The following UMPS variants were observed in gnomAD, a reference collection of about 807,000 sequenced individuals.
UMPS encodes uridine 5'-monophosphate synthase.
UMPS carries 21 observed loss-of-function variants against 38.9 expected under a neutral mutation model. The observed-to-expected ratio is 0.54, with a 90% confidence interval of 0.38 to 0.78. The LOEUF (loss-of-function observed/expected upper bound fraction) is 0.78. Ranked by LOEUF, UMPS falls within the 30% of genes least tolerant of loss-of-function variation. The pLI is 0.00. For synonymous variants in UMPS, 208 were observed against 219.3 expected, an observed-to-expected ratio of 0.95 and a Z score of 0.45; for missense variants, 533 against 591.6, an observed-to-expected ratio of 0.90 and a Z score of 1.03.
chr3:124,730,454 A>C lies in UMPS; in HGVS notation c.-18A>C. On this transcript the variant is annotated 5_prime_UTR_variant, in exon 1 of 6. Transcript: ENST00000232607. ...CCGGGGCGCCTGGGAATTTGAAGCAAACAGGCAGCGCGCGACAATGGCGGT... is the reference window on the plus strand; with the variant it reads ...CCGGGGCGCCTGGGAATTTGAAGCACACAGGCAGCGCGCGACAATGGCGGT... 8.1e-6 allele frequency: 13 copies of C among 1,613,920 alleles called. No individual in the cohort carries two copies. The highest frequency in any genetic ancestry group is 1.1e-5 in the Non-Finnish European group (13 of 1,179,912).
chr3:124,737,303 C>A, intron 2 of UMPS: 2 of 362,982 alleles, frequency 5.5e-6, no homozygotes, highest in Non-Finnish European at 9.9e-6. Context: ...GATCATAAAA[C>A]ACATTAAGCA....
Position 124,749,098 on chromosome 3 carries a change from C to T in UMPS, c.*5014C>T, listed in dbSNP as rs569469184. 1.7e-3 allele frequency: 775 copies of T among 454,066 alleles called. 8 individuals carry two copies. Among genetic ancestry groups the T allele is most frequent in the South Asian group, 0.011 (725 of 64,468 alleles). 28.1% of individuals were successfully genotyped at this position (454,066 alleles called of 1,614,324 possible). A position where few individuals can be genotyped will look rare whatever the true frequency, so the allele number is the denominator to read the frequency against. ...TGCAGGGTGAGACTTGGGGAGGATC[C>T]TGAAATGATTGTATTTAACAAGACA... On this transcript the variant is annotated 3_prime_UTR_variant, in exon 6 of 6. Transcript: ENST00000232607.
At chr3:124,731,480 T>C (rs1229866988) in intron 1 of UMPS, 2 of 440,114 alleles carry the variant, frequency 4.5e-6, no homozygotes, top group Non-Finnish European at 9.1e-6. Flanking sequence ...TCGCTTGTGT[T>C]ATTATTTTAT....
At chr3:124,742,125 T>C in intron 4 of UMPS, 27 bp from the exon 5 acceptor site, 1 of 1,503,024 alleles carries the variant, frequency 6.7e-7, no homozygotes, top group Non-Finnish European at 9.3e-7. Flanking sequence ...TGTTTTCTTA[T>C]AATATGTCCT....
At chr3:124,737,370 C>T in intron 2 of UMPS, 198 bp from the exon 3 acceptor site, 1 of 582,034 alleles carries the variant, frequency 1.7e-6, no homozygotes, top group Non-Finnish European at 3.0e-6. Context: ...GTATGTGTAA[C>T]TGGCAAGTTT....
intron 1 of UMPS, among the ~76,000 whole-genome samples, chr3:124,733,106 A>C (rs2063492425): frequency 6.6e-6 from 1 of 152,220 alleles, no homozygotes; most frequent in Non-Finnish European, 1.5e-5. Flanking sequence ...TACACCCCAA[A>C]AAGCAATATA....
rs1220530209 is a variant in UMPS, at chr3:124,735,219, A to C, written c.283A>C (p.Ile95Leu). The change falls in exon 2 of 6, where the codon ATT (isoleucine) becomes CTT (leucine). Residue 95 changes from isoleucine (I) to leucine (L), a missense_variant. By Grantham distance (5) the Ile-to-Leu change is conservative. Transcript: ENST00000232607. ...TTCAACCAATCAAATTCCAATGCTT[A>C]TTAGAAGGAAAGAAACAAAGGATTA... ...ICSTNQIPML[I>L]RRKETKDYGT... The C allele has an allele frequency of 6.2e-7, 1 of 1,613,760 alleles. No individual in the cohort carries two copies. The highest frequency in any genetic ancestry group is 2.2e-5 in the East Asian group (1 of 44,864).
Position 124,745,879 on chromosome 3 carries a change from AC to A in UMPS, c.*1796del, listed in dbSNP as rs1559909140. 3 of 454,080 alleles carry A rather than the reference AC, an allele frequency of 6.6e-6. No homozygotes were observed. In the East Asian group the frequency reaches 2.1e-4, roughly 32 times the overall value. 28.1% of individuals were successfully genotyped at this position (454,080 alleles called of 1,614,324 possible). On this transcript the variant is annotated 3_prime_UTR_variant, in exon 6 of 6. Coordinates refer to ENST00000232607, the MANE Select transcript of UMPS (RefSeq NM_000373.4). ...ACTTCCATGTGTCAGTGGTTCTCCCACTTTAGCAGGTATCAGAGTCACCTGG... is the reference window on the plus strand; with the variant it reads ...ACTTCCATGTGTCAGTGGTTCTCCCATTTAGCAGGTATCAGAGTCACCTGG...
Position 124,747,662 on chromosome 3 carries a change from G to T in UMPS, c.*3578G>T. The T allele has an allele frequency of 2.2e-6, 1 of 453,124 alleles. No individual in the cohort carries two copies. The highest frequency in any genetic ancestry group is 1.6e-5 in the South Asian group (1 of 64,466). The allele number at this position is 453,124 out of a possible 1,614,324, so 28.1% of individuals were successfully genotyped here. A position where few individuals can be genotyped will look rare whatever the true frequency, so the allele number is the denominator to read the frequency against. ...AGTGCATGCCATGGAGTTCCAGGGTGGTTTATTACACGGCAATATCTAGCT... is the reference window on the plus strand; with the variant it reads ...AGTGCATGCCATGGAGTTCCAGGGTTGTTTATTACACGGCAATATCTAGCT... On this transcript the variant is annotated 3_prime_UTR_variant, in exon 6 of 6. Transcript: ENST00000232607.
rs1207087014 is a variant in UMPS, at chr3:124,731,079, G to C, written c.156+452G>C. ...ACCCCGTCTCTACAAAAAATTAGCT[G>C]GGTGTGGTGGCGCACGCCTGGGACG... On this transcript the variant is annotated intron_variant, in intron 1 of 5. Coordinates refer to ENST00000232607, the MANE Select transcript of UMPS (RefSeq NM_000373.4). Among the ~76,000 whole-genome samples the C allele has an allele frequency of 2.0e-5, 3 of 152,016 alleles. No homozygotes were observed. The East Asian group carries it at 5.8e-4, about 29-fold the overall frequency.
intron 5 of UMPS, chr3:124,742,540 G>A (rs1212649206): frequency 1.3e-5 from 6 of 465,394 alleles, no homozygotes; most frequent in Non-Finnish European, 2.3e-5. Flanking sequence ...TTAACACAAT[G>A]TCTTGGCACA....
At chr3:124,733,426 G>C (rs2063494694) in intron 1 of UMPS, 1 of 183,270 alleles carries the variant, frequency 5.5e-6, no homozygotes, top group Non-Finnish European at 1.2e-5. Context: ...CCTTACATGG[G>C]CTTTGGTGAG....
At chr3:124,732,784 T>C (rs2063489217) in intron 1 of UMPS, among the ~76,000 whole-genome samples, 1 of 152,204 alleles carries the variant, frequency 6.6e-6, no homozygotes, top group South Asian at 2.1e-4. Context: ...TAAAAAGTAT[T>C]GAAGATAGGT....
chr3:124,740,658 A>T (rs530314469), intron 4 of UMPS, among the ~76,000 whole-genome samples: 11 of 152,204 alleles, frequency 7.2e-5, no homozygotes, highest in African/African-American at 2.6e-4. Flanking sequence ...ATATTACTTT[A>T]AAAAAATTGC....
intron 1 of UMPS, chr3:124,731,511 A>T (rs1306343942): frequency 2.3e-6 from 1 of 436,546 alleles, no homozygotes; most frequent in African/African-American, 2.0e-5. Flanking sequence ...TTTAGATGGG[A>T]TCTCTCTTAC....
rs1174042175 is a variant in UMPS at position 124,748,228 on chromosome 3, C to T, written c.*4144C>T. 4.4e-6 allele frequency: 2 copies of T among 453,828 alleles called. No individual in the cohort carries two copies. The highest frequency in any genetic ancestry group is 3.1e-5 in the South Asian group (2 of 64,464). 28.1% of individuals were successfully genotyped at this position (453,828 alleles called of 1,614,324 possible). On this transcript the variant is annotated 3_prime_UTR_variant, in exon 6 of 6. Coordinates refer to ENST00000232607, the MANE Select transcript of UMPS (RefSeq NM_000373.4). ...TACAGGTGTGAGCCACTGCTCCCGG[C>T]CTGTTGGAGTTCTTTACATTTATTT...
chr3:124,746,271 C>A lies in UMPS; in HGVS notation c.*2187C>A. Reference sequence around the variant, plus strand: ...ATAATCACCCAGCCCCTGCCACTTACTGAAAGTGTAGGTCCTTGTGCCCCA... The same window carrying A: ...ATAATCACCCAGCCCCTGCCACTTAATGAAAGTGTAGGTCCTTGTGCCCCA... On this transcript the variant is annotated 3_prime_UTR_variant, in exon 6 of 6. Transcript: ENST00000232607. 2.2e-6 allele frequency: 1 copy of A among 454,016 alleles called. No individual in the cohort carries two copies. 28.1% of individuals were successfully genotyped at this position (454,016 alleles called of 1,614,324 possible). A position where few individuals can be genotyped will look rare whatever the true frequency, so the allele number is the denominator to read the frequency against.
Position 124,737,594 on chromosome 3 carries a change from A to G in UMPS, c.337A>G (p.Ile113Val), listed in dbSNP as rs781307243. Residue 113 changes from isoleucine (I) to valine (V), a missense_variant, in exon 3 of 6, where the codon ATT becomes GTT. Transcript: ENST00000232607. ...YGTKRLVEGTINPGETCLIIE... is the reference protein window; with the variant it reads ...YGTKRLVEGTVNPGETCLIIE... ...AACTAAGCGTCTTGTAGAAGGAACT[A>G]TTAATCCAGGAGAAACCTGTTTAAT... is the stretch of plus-strand genomic sequence containing the variant. 13 of 1,614,120 alleles carry G rather than the reference A, an allele frequency of 8.1e-6. No homozygotes were observed. The highest frequency in any genetic ancestry group is 3.3e-5 in the Admixed American group (2 of 60,000).
chr3:124,746,603 T>C lies in UMPS; in HGVS notation c.*2519T>C, dbSNP rs2063600224. 2.2e-6 allele frequency: 1 copy of C among 454,008 alleles called. No individual in the cohort carries two copies. Among genetic ancestry groups the C allele is most frequent in the Non-Finnish European group, 4.4e-6 (1 of 226,812 alleles). 28.1% of individuals were successfully genotyped at this position (454,008 alleles called of 1,614,324 possible). A position where few individuals can be genotyped will look rare whatever the true frequency, so the allele number is the denominator to read the frequency against. On this transcript the variant is annotated 3_prime_UTR_variant, in exon 6 of 6. Coordinates refer to ENST00000232607, the MANE Select transcript of UMPS (RefSeq NM_000373.4). Reference sequence around the variant, plus strand: ...AGGAATATTTACAGAACATGATCTCTGGGCATTGTAACTCCTGGTCTTAGT... The same window carrying C: ...AGGAATATTTACAGAACATGATCTCCGGGCATTGTAACTCCTGGTCTTAGT...
Sources: allele counts gnomAD v4.1 joint callset (sites outside exome capture counted in the v4.1 genomes callset), GRCh38; gene constraint gnomAD v4.1.1; transcripts MANE v1.5; gene names NCBI Gene and HGNC (gene_info 2026-07-23, HGNC 2026-07-21).